Variants in NTN1 observed in about 807,000 individuals in gnomAD.
NTN1 encodes netrin 1, also known as netrin-1.
A neutral mutation model predicts 54.2 loss-of-function variants in NTN1; 11 were observed. That is an observed-to-expected ratio of 0.20 (90% CI 0.13 to 0.34). The LOEUF (loss-of-function observed/expected upper bound fraction) is 0.34. Among genes scored for constraint, NTN1 ranks in the 10% least tolerant of loss-of-function variants. NTN1 has a pLI of 1.00. For missense variants in NTN1, 740 were observed against 893.1 expected, an observed-to-expected ratio of 0.83 and a Z score of 2.18; for synonymous variants, 371 against 382.0, an observed-to-expected ratio of 0.97 and a Z score of 0.33.
chr17:9,152,645 C>A (rs981692970), intron 2 of NTN1, among the ~76,000 whole-genome samples: 1 of 152,182 alleles, frequency 6.6e-6, no homozygotes, highest in African/African-American at 2.4e-5. Context: ...CTGGAGCACC[C>A]CACTTCTGAA....
intron 2 of NTN1, among the ~76,000 whole-genome samples, chr17:9,124,239 G>A (rs553716083): frequency 2.5e-4 from 38 of 152,254 alleles, no homozygotes; most frequent in African/African-American, 6.0e-4. Context: ...TGGGTGTGCC[G>A]GGCACAATCC....
At chr17:9,028,967 C>T (rs1567693836) in intron 2 of NTN1, among the ~76,000 whole-genome samples, 1 of 151,640 alleles carries the variant, frequency 6.6e-6, no homozygotes, top group African/African-American at 2.4e-5. Context: ...AGGTGTTAAT[C>T]ATACCTTGGG....
intron 2 of NTN1, among the ~76,000 whole-genome samples, chr17:9,040,612 T>C (rs8076457): frequency 0.78 from 119,017 of 152,066 alleles, 46,824 homozygotes; most frequent in East Asian, 0.97. Flanking sequence ...TTGGATAGAA[T>C]GTCAAAGTAA....
At chr17:9,123,971 T>A (rs754571101) in intron 2 of NTN1, among the ~76,000 whole-genome samples, 71 of 152,286 alleles carry the variant, frequency 4.7e-4, no homozygotes, top group Admixed American at 9.2e-4. Context: ...CTGTTTTTTT[T>A]AGAGTTTTTC....
intron 2 of NTN1, among the ~76,000 whole-genome samples, chr17:9,070,711 C>A (rs2092029391): frequency 6.6e-6 from 1 of 152,216 alleles, no homozygotes; most frequent in Non-Finnish European, 1.5e-5. Context: ...CCTGCCTCAG[C>A]CTCCTGAGTA....
At chr17:9,133,189 C>T (rs1447025944) in intron 2 of NTN1, among the ~76,000 whole-genome samples, 2 of 152,196 alleles carry the variant, frequency 1.3e-5, no homozygotes, top group Non-Finnish European at 2.9e-5. Context: ...ATGTTGCCAG[C>T]TGCTCCTGGG....
At chr17:9,113,020 T>A (rs2092197713) in intron 2 of NTN1, among the ~76,000 whole-genome samples, 1 of 114,064 alleles carries the variant, frequency 8.8e-6, no homozygotes, top group African/African-American at 3.3e-5. Context: ...GTATACAGAA[T>A]TTTTTTTATT....
intron 2 of NTN1, among the ~76,000 whole-genome samples, chr17:9,052,569 T>C (rs1387633496): frequency 6.6e-6 from 1 of 152,230 alleles, no homozygotes; most frequent in Non-Finnish European, 1.5e-5. Context: ...GAAATGGTTA[T>C]ACACCAAATC....
intron 2 of NTN1, among the ~76,000 whole-genome samples, chr17:9,072,271 G>A (rs1567703249): frequency 6.7e-6 from 1 of 148,962 alleles, no homozygotes; most frequent in Admixed American, 6.7e-5. Flanking sequence ...TTTTTCAAGC[G>A]GGCACCACAC....
intron 2 of NTN1, among the ~76,000 whole-genome samples, chr17:9,114,550 C>G (rs1173519364): frequency 1.3e-5 from 2 of 151,434 alleles, no homozygotes; most frequent in African/African-American, 4.9e-5. Context: ...GTCAGGAGTT[C>G]GAGACCAGCC....
At chr17:9,026,152 A>T (rs184480896) in intron 2 of NTN1, among the ~76,000 whole-genome samples, 1 of 152,048 alleles carries the variant, frequency 6.6e-6, no homozygotes, top group Non-Finnish European at 1.5e-5. Flanking sequence ...CCTGTGCCCC[A>T]CCCTCCCGCA....
chr17:9,081,110 T>C (rs866455658), intron 2 of NTN1, among the ~76,000 whole-genome samples: 1 of 152,196 alleles, frequency 6.6e-6, no homozygotes, highest in Non-Finnish European at 1.5e-5. Context: ...GGCAGTCTTA[T>C]GCGACTGAGC....
intron 2 of NTN1, among the ~76,000 whole-genome samples, chr17:9,080,490 T>G (rs76602470): frequency 0.053 from 8,106 of 152,332 alleles, 583 homozygotes; most frequent in African/African-American, 0.16. Context: ...CTCATTGTAA[T>G]ATTGCGAAAT....
Position 9,217,237 on chromosome 17 carries a change from G to C in NTN1, c.1412-3931G>C, listed in dbSNP as rs77668111. ...TTTTTCAGGACTTTTCTGCTCATCAGACAAAGAGCTGTGTCCTGAGGTAAA... is the reference window on the plus strand; with the variant it reads ...TTTTTCAGGACTTTTCTGCTCATCACACAAAGAGCTGTGTCCTGAGGTAAA... On this transcript the variant is annotated intron_variant, in intron 5 of 6. Transcript: ENST00000173229. Among the ~76,000 whole-genome samples the C allele has an allele frequency of 9.9e-3, 1,513 of 152,128 alleles. 29 individuals carry two copies. Among genetic ancestry groups the C allele is most frequent in the African/African-American group, 0.035 (1,431 of 41,470 alleles).
At chr17:9,114,654 A>G (rs1335715378) in intron 2 of NTN1, among the ~76,000 whole-genome samples, 1 of 151,976 alleles carries the variant, frequency 6.6e-6, no homozygotes, top group African/African-American at 2.4e-5. Context: ...TTGGGAGGCT[A>G]AGGCACGGAG....
chr17:9,210,408 G>A (rs1429861278), intron 5 of NTN1, among the ~76,000 whole-genome samples: 1 of 146,484 alleles, frequency 6.8e-6, no homozygotes, highest in African/African-American at 2.6e-5. Flanking sequence ...ACACACACAG[G>A]CACATGTGCG....
chr17:9,119,485 G>T (rs2092225445), intron 2 of NTN1, among the ~76,000 whole-genome samples: 3 of 141,650 alleles, frequency 2.1e-5, no homozygotes, highest in Admixed American at 7.1e-5. Context: ...ACCGTGCCTG[G>T]CTTATTTATT....
At chr17:9,150,593 G>C (rs1032657112) in intron 2 of NTN1, among the ~76,000 whole-genome samples, 1 of 152,224 alleles carries the variant, frequency 6.6e-6, no homozygotes, top group Non-Finnish European at 1.5e-5. Flanking sequence ...AGCCTGCTCG[G>C]CATTTCCTCC....
chr17:9,061,906 T>C (rs2092000059), intron 2 of NTN1, among the ~76,000 whole-genome samples: 1 of 152,124 alleles, frequency 6.6e-6, no homozygotes, highest in Non-Finnish European at 1.5e-5. Flanking sequence ...TGTTTCACCA[T>C]GTTGGCCAGG....
Sources: gnomAD v4.1 joint callset for allele counts (sites outside exome capture counted in the v4.1 genomes callset) on GRCh38, gnomAD v4.1.1 for gene constraint, MANE v1.5 for transcripts, NCBI Gene and HGNC (gene_info 2026-07-23, HGNC 2026-07-21) for gene names.